Variants in DLGAP2 observed in about 807,000 individuals in gnomAD.
DLGAP2 encodes DLG associated protein 2.
DLGAP2 carries 26 observed loss-of-function variants against 100.3 expected under a neutral mutation model. The ratio of observed to expected loss-of-function variants is 0.26; its 90% CI spans 0.19 to 0.36. The LOEUF (loss-of-function observed/expected upper bound fraction) is 0.36. Ranked by LOEUF, DLGAP2 falls within the 10% of genes least tolerant of loss-of-function variation. The pLI is 1.00. For missense variants in DLGAP2, 1,858 were observed against 1,453.2 expected (o/e 1.28, Z -4.53); for synonymous variants, 886 against 630.1 (o/e 1.41, Z -6.08).
chr8:1,044,296 A>T (rs1374649043), intron 2 of DLGAP2, among the ~76,000 whole-genome samples: 1 of 152,190 alleles, frequency 6.6e-6, no homozygotes, highest in Non-Finnish European at 1.5e-5. Flanking sequence ...GGGGTTCATG[A>T]TTGCAAACTC....
At chr8:1,436,766 C>T (rs959682888) in intron 3 of DLGAP2, among the ~76,000 whole-genome samples, 7 of 152,190 alleles carry the variant, frequency 4.6e-5, no homozygotes, top group East Asian at 3.9e-4. Context: ...CCCACTCACC[C>T]GGTCACCCAG....
intron 2 of DLGAP2, among the ~76,000 whole-genome samples, chr8:994,590 G>A (rs1800734360): frequency 6.6e-6 from 1 of 152,166 alleles, no homozygotes; most frequent in Non-Finnish European, 1.5e-5. Context: ...TTCTGCACCT[G>A]TGCTGCTTCC....
chr8:1,270,105 C>A (rs1799549452), intron 3 of DLGAP2, among the ~76,000 whole-genome samples: 1 of 152,158 alleles, frequency 6.6e-6, no homozygotes, highest in Non-Finnish European at 1.5e-5. Context: ...TGATGCAAAA[C>A]TTTCTCCTGC....
chr8:926,353 C>G (rs1348934942), intron 2 of DLGAP2, among the ~76,000 whole-genome samples: 1 of 152,200 alleles, frequency 6.6e-6, no homozygotes, highest in Non-Finnish European at 1.5e-5. Context: ...TGGCCACCCC[C>G]CTCACACCTC....
At chr8:1,293,435 C>A (rs1800104269) in intron 3 of DLGAP2, among the ~76,000 whole-genome samples, 1 of 152,224 alleles carries the variant, frequency 6.6e-6, no homozygotes, top group Non-Finnish European at 1.5e-5. Context: ...GACAGCTGAG[C>A]CATGGCTCCT....
chr8:969,428 C>T (rs550389130), intron 2 of DLGAP2, among the ~76,000 whole-genome samples: 7 of 152,030 alleles, frequency 4.6e-5, no homozygotes, highest in African/African-American at 9.6e-5. Context: ...AGACTCCTGA[C>T]GAATACACAA....
Position 1,701,582 on chromosome 8 carries a change from G to C in DLGAP2, c.*176G>C, listed in dbSNP as rs1427859756. 1 of 678,846 alleles carries C rather than the reference G, an allele frequency of 1.5e-6. No individual in the cohort carries two copies. Among genetic ancestry groups the C allele is most frequent in the Non-Finnish European group, 2.4e-6 (1 of 415,152 alleles). The allele number at this position is 678,846 out of a possible 1,614,324, so 42.1% of individuals were successfully genotyped here. On this transcript the variant is annotated 3_prime_UTR_variant, in exon 15 of 15. Transcript: ENST00000637795. ...GGCGGCCTCAGAGTCCACGGAGCTCGCGGCGAGGACGACTTCTGCTTTTGT... is the reference window on the plus strand; with the variant it reads ...GGCGGCCTCAGAGTCCACGGAGCTCCCGGCGAGGACGACTTCTGCTTTTGT...
chr8:1,698,261 C>A (rs572471906), intron 14 of DLGAP2, among the ~76,000 whole-genome samples: 3 of 152,232 alleles, frequency 2.0e-5, no homozygotes, highest in Admixed American at 2.0e-4. Flanking sequence ...ATGCGTGGGA[C>A]AGGTCCACAT....
At chr8:1,693,757 A>G (rs1184685554) in intron 13 of DLGAP2, among the ~76,000 whole-genome samples, 2 of 152,234 alleles carry the variant, frequency 1.3e-5, no homozygotes, top group African/African-American at 2.4e-5. Context: ...AGTCACCAAC[A>G]CATCACTCTG....
rs907008373 is a variant in DLGAP2, at chr8:817,151, A to T, written c.18+79326A>T. 1.6e-3 allele frequency among the ~76,000 whole-genome samples: 239 copies of T among 152,196 alleles called. 2 individuals carry two copies. Among genetic ancestry groups the T allele is most frequent in the Admixed American group, 3.0e-3 (46 of 15,298 alleles). On this transcript the variant is annotated intron_variant, in intron 1 of 14. Transcript: ENST00000637795. ...GCGAGACTCCGTCTCAAAAAAAAAA[A>T]AAAAAAAAGAAAGTTATCTTTTCTT...
In DLGAP2 at chr8:1,705,667, G is replaced by A. The variant is rs1449900914; in HGVS notation, c.*4261G>A. 2 of 152,136 alleles carry A rather than the reference G, an allele frequency of 1.3e-5. No individual in the cohort carries two copies. The highest frequency in any genetic ancestry group is 2.9e-5 in the Non-Finnish European group (2 of 68,032). 9.4% of individuals were successfully genotyped at this position (152,136 alleles called of 1,614,324 possible). ...GGGCCGAAATAACTAAACTCCACAT[G>A]GTTCCTGCCTGCTCATTTCCCAGCC... On this transcript the variant is annotated 3_prime_UTR_variant, in exon 15 of 15. Transcript: ENST00000637795.
At chr8:830,089 A>C (rs1250960253) in intron 1 of DLGAP2, among the ~76,000 whole-genome samples, 1 of 152,234 alleles carries the variant, frequency 6.6e-6, no homozygotes, top group Non-Finnish European at 1.5e-5. Context: ...ATATAGTTCT[A>C]GGCAAATGTA....
At chr8:1,290,782 C>T (rs577722757) in intron 3 of DLGAP2, among the ~76,000 whole-genome samples, 1 of 152,292 alleles carries the variant, frequency 6.6e-6, no homozygotes, top group South Asian at 2.1e-4. Context: ...TATGCTCAGG[C>T]CTGATAGCTT....
At chr8:1,489,690 G>T (rs767504868) in intron 3 of DLGAP2, among the ~76,000 whole-genome samples, 2 of 152,204 alleles carry the variant, frequency 1.3e-5, no homozygotes, top group African/African-American at 4.8e-5. Context: ...CCATCGCTGT[G>T]AGCATCTTGG....
At chr8:1,296,487 A>G (rs951662936) in intron 3 of DLGAP2, among the ~76,000 whole-genome samples, 2 of 152,182 alleles carry the variant, frequency 1.3e-5, no homozygotes, top group African/African-American at 4.8e-5. Context: ...GTGTGTCTCC[A>G]GGAAGCAGAG....
At chr8:1,187,518 T>C (rs371344900) in intron 2 of DLGAP2, among the ~76,000 whole-genome samples, 2,292 of 48,266 alleles carry the variant, frequency 0.047, 67 homozygotes, top group African/African-American at 0.12. Context: ...TGACGTTTGC[T>C]TCACGGAATC....
chr8:1,488,751 T>C (rs755678663), intron 3 of DLGAP2, among the ~76,000 whole-genome samples: 1 of 152,230 alleles, frequency 6.6e-6, no homozygotes, highest in Non-Finnish European at 1.5e-5. Context: ...GACGACGTTT[T>C]ATCTTCTGCA....
At chr8:1,300,730 T>TG (rs1394516228) in intron 3 of DLGAP2, 12 of 152,236 alleles carry the variant, frequency 7.9e-5, no homozygotes, top group African/African-American at 1.2e-4. Context: ...TTTCTGAGAC[T>TG]GCACCATGAA....
At chr8:761,915 C>T (rs940401161) in intron 1 of DLGAP2, among the ~76,000 whole-genome samples, 7 of 152,190 alleles carry the variant, frequency 4.6e-5, no homozygotes, top group African/African-American at 1.7e-4. Context: ...GTGAACGCCC[C>T]TGAAGGCTGG....
Sources: gnomAD v4.1 joint callset for allele counts (sites outside exome capture counted in the v4.1 genomes callset) on GRCh38, gnomAD v4.1.1 for gene constraint, MANE v1.5 for transcripts, NCBI Gene and HGNC (gene_info 2026-07-23, HGNC 2026-07-21) for gene names.